Variants in ZNF716 observed in about 807,000 individuals in gnomAD.
ZNF716 encodes zinc finger protein 716.
In ZNF716, 9 loss-of-function variants were observed where a neutral mutation model predicts 13.4. The ratio of observed to expected loss-of-function variants is 0.67; its 90% CI spans 0.41 to 1.18. The LOEUF (loss-of-function observed/expected upper bound fraction) is 1.18, where lower values mean the gene tolerates loss of function less well. ZNF716 is among the 50% of genes most tolerant of loss of function. The pLI, the probability that ZNF716 is intolerant of heterozygous loss-of-function variation, is 0.01. For missense variants in ZNF716, 581 were observed against 576.6 expected (o/e 1.01, Z -0.08); for synonymous variants, 186 against 195.2 (o/e 0.95, Z 0.39).
chr7:57,454,198 T>A (rs1279791124), intron 1 of ZNF716, among the ~76,000 whole-genome samples: 2 of 152,148 alleles, frequency 1.3e-5, no homozygotes, highest in East Asian at 3.8e-4. Flanking sequence ...CTTCTAGAAG[T>A]TTGTTCATAT....
rs1361704602 is a variant in ZNF716, at chr7:57,470,831, C to A, written c.*882C>A. 9 of 151,706 alleles carry A rather than the reference C, an allele frequency of 5.9e-5. No individual in the cohort carries two copies. Among genetic ancestry groups the A allele is most frequent in the African/African-American group, 2.2e-4 (9 of 41,322 alleles). The allele number at this position is 151,706 out of a possible 1,614,324, so 9.4% of individuals were successfully genotyped here. ...CATAAAAAATGTGACAGCATTTAAC[C>A]ACACCTGACATTTTTCTAAAATAGA... On this transcript the variant is annotated 3_prime_UTR_variant, in exon 4 of 4. Coordinates refer to ENST00000420713, the MANE Select transcript of ZNF716 (RefSeq NM_001159279.1).
intron 2 of ZNF716, among the ~76,000 whole-genome samples, 165 bp downstream of exon 2, chr7:57,462,751 G>A (rs1424883448): frequency 2.0e-5 from 3 of 152,098 alleles, no homozygotes; most frequent in Non-Finnish European, 4.4e-5. Flanking sequence ...GTTTTATCTT[G>A]ACCTGAACTT....
intron 3 of ZNF716, 60 bp downstream of exon 3, chr7:57,463,228 G>T (rs1472377907): frequency 2.5e-6 from 4 of 1,590,170 alleles, no homozygotes; most frequent in Non-Finnish European, 1.7e-6. Flanking sequence ...CAAGGAGGAA[G>T]CCAGTCCTTA....
chr7:57,451,338 A>C, intron 1 of ZNF716, among the ~76,000 whole-genome samples: 1 of 143,042 alleles, frequency 7.0e-6, no homozygotes, highest in Non-Finnish European at 1.5e-5. Context: ...TTTGAGATAG[A>C]TTTTTTTTTT....
At chr7:57,450,854 T>C (rs886196802) in intron 1 of ZNF716, among the ~76,000 whole-genome samples, 12 of 148,676 alleles carry the variant, frequency 8.1e-5, no homozygotes, top group African/African-American at 3.1e-4. Context: ...TTGTTATAAG[T>C]TTCATGATGA....
At position 57,473,421 on chromosome 7, in the gene ZNF716, G is replaced by A. The variant is rs1789983802; in HGVS notation, c.*3472G>A. The A allele has an allele frequency of 6.6e-6, 1 of 152,122 alleles. No individual in the cohort carries two copies. The highest frequency in any genetic ancestry group is 2.4e-5 in the African/African-American group (1 of 41,408). 9.4% of individuals were successfully genotyped at this position (152,122 alleles called of 1,614,324 possible). A position where few individuals can be genotyped will look rare whatever the true frequency, so the allele number is the denominator to read the frequency against. ...CATGGTCCCAGTTACTCAGGAGGCT[G>A]AGGCAGGAGAATTGCTTGAACCTCG... On this transcript the variant is annotated 3_prime_UTR_variant, in exon 4 of 4. Coordinates refer to ENST00000420713, the MANE Select transcript of ZNF716 (RefSeq NM_001159279.1).
chr7:57,450,678 G>A (rs1371775482), intron 1 of ZNF716, among the ~76,000 whole-genome samples: 4 of 152,112 alleles, frequency 2.6e-5, no homozygotes, highest in Non-Finnish European at 5.9e-5. Context: ...TGAGTGGAAA[G>A]AGCTGTGTTC....
rs782766103 is a variant in ZNF716 at position 57,469,819 on chromosome 7, C to T, written c.1358C>T (p.Thr453Ile). Residue 453 changes from threonine to isoleucine, a missense_variant, in exon 4 of 4, where the codon ACT (threonine) becomes ATT (isoleucine). By Grantham distance (89) the Thr-to-Ile change is moderately conservative. Transcript: ENST00000420713. ...TTTACCTTCTCCTCAACTCTAAATA[C>T]TCATAAGAGGATTCATACTGGAGAG... Reference protein sequence around the residue: ...KAFTFSSTLNTHKRIHTGEKP... With the variant: ...KAFTFSSTLNIHKRIHTGEKP... 6 of 1,603,070 alleles carry T rather than the reference C, an allele frequency of 3.7e-6. No individual in the cohort carries two copies. The East Asian group carries it at 6.8e-5, about 18-fold the overall frequency.
At chr7:57,461,479 A>G (rs1470066204) in intron 1 of ZNF716, among the ~76,000 whole-genome samples, 17 of 152,334 alleles carry the variant, frequency 1.1e-4, no homozygotes, top group African/African-American at 3.4e-4. Context: ...AAGTACACTT[A>G]GGACATTTAC....
At chr7:57,451,907 C>T (rs1789504767) in intron 1 of ZNF716, among the ~76,000 whole-genome samples, 1 of 151,934 alleles carries the variant, frequency 6.6e-6, no homozygotes, top group African/African-American at 2.4e-5. Flanking sequence ...GCTGGGATTA[C>T]AGGCCTACAC....
intron 3 of ZNF716, among the ~76,000 whole-genome samples, chr7:57,464,122 C>CT (rs71065117): frequency 0.11 from 14,111 of 125,732 alleles, 1,165 homozygotes; most frequent in African/African-American, 0.2. Context: ...TTTCTTTTTT[C>CT]TTTTTTTTTT....
At chr7:57,459,932 G>T (rs1297910319) in intron 1 of ZNF716, among the ~76,000 whole-genome samples, 1 of 152,168 alleles carries the variant, frequency 6.6e-6, no homozygotes, top group Non-Finnish European at 1.5e-5. Context: ...CTGCCCGTGG[G>T]TGTGTGTGGT....
chr7:57,468,913 C>A lies in ZNF716; in HGVS notation c.452C>A (p.Ala151Asp). 6.2e-7 allele frequency: 1 copy of A among 1,612,088 alleles called. No homozygotes were observed. Among genetic ancestry groups the A allele is most frequent in the Non-Finnish European group, 8.5e-7 (1 of 1,178,706 alleles). Residue 151 changes from alanine to aspartate, a missense_variant, in exon 4 of 4, where the codon GCT (alanine) becomes GAT (aspartate). By Grantham distance (126) the Ala-to-Asp change is moderately radical. Coordinates refer to ENST00000420713, the MANE Select transcript of ZNF716 (RefSeq NM_001159279.1). ...GYNYVNQCLS[A>D]TQNKTFQTHK... is the part of the protein sequence containing the mutation. ...AATTATGTTAACCAATGTTTGTCAG[C>A]TACCCAAAACAAAACATTTCAGACT... is the stretch of plus-strand genomic sequence containing the variant.
intron 3 of ZNF716, among the ~76,000 whole-genome samples, chr7:57,467,783 A>T (rs1337287164): frequency 1.3e-5 from 2 of 151,618 alleles, no homozygotes; most frequent in Non-Finnish European, 2.9e-5. Flanking sequence ...TATTTTTATT[A>T]TTCCAAGCTT....
Position 57,450,195 on chromosome 7 carries a change from CCA to C in ZNF716, c.-93_-92del. 1.3e-6 allele frequency: 2 copies of C among 1,581,760 alleles called. No homozygotes were observed. Among genetic ancestry groups the C allele is most frequent in the South Asian group, 2.2e-5 (2 of 89,156 alleles). ...ACGGGTTCTTTTTGCTTCTCTGCGCCCAGAGCTCCAGTCCTTCTCTTCACTGC... is the reference window on the plus strand; with the variant it reads ...ACGGGTTCTTTTTGCTTCTCTGCGCCGAGCTCCAGTCCTTCTCTTCACTGC... On this transcript the variant is annotated 5_prime_UTR_variant, in exon 1 of 4. Coordinates refer to ENST00000420713, the MANE Select transcript of ZNF716 (RefSeq NM_001159279.1).
chr7:57,463,572 T>C (rs1438640194), intron 3 of ZNF716, among the ~76,000 whole-genome samples: 1 of 152,186 alleles, frequency 6.6e-6, no homozygotes, highest in East Asian at 1.9e-4. Flanking sequence ...TTCTGTTTCA[T>C]TGGAGGTTGT....
chr7:57,457,437 C>T (rs1216084712), intron 1 of ZNF716, among the ~76,000 whole-genome samples: 2 of 152,104 alleles, frequency 1.3e-5, no homozygotes, highest in East Asian at 3.9e-4. Flanking sequence ...TTCTGCCTCC[C>T]AGGTTCAAGC....
rs530412092 is a variant in ZNF716, at chr7:57,462,703, C to A, written c.166+117C>A. The A allele has an allele frequency of 8.9e-5, 111 of 1,251,518 alleles. No individual in the cohort carries two copies. In the African/African-American group the frequency reaches 1.5e-3, roughly 17 times the overall value. The allele number at this position is 1,251,518 out of a possible 1,614,324, so 77.5% of individuals were successfully genotyped here. ...TTTAGCTCTCCAGTTTTAAGAAAATCTTGGGGATTCATTGGTATATAGCAA... is the reference window on the plus strand; with the variant it reads ...TTTAGCTCTCCAGTTTTAAGAAAATATTGGGGATTCATTGGTATATAGCAA... On this transcript the variant is annotated intron_variant, in intron 2 of 3. Coordinates refer to ENST00000420713, the MANE Select transcript of ZNF716 (RefSeq NM_001159279.1).
Position 57,468,952 on chromosome 7 carries a change from A to G in ZNF716, c.491A>G (p.Lys164Arg), listed in dbSNP as rs782399751. The G allele has an allele frequency of 6.8e-6, 11 of 1,610,126 alleles. No individual in the cohort carries two copies. Among genetic ancestry groups the G allele is most frequent in the East Asian group, 6.7e-5 (3 of 44,704 alleles). The change falls in exon 4 of 4, where the codon AAA (lysine) becomes AGA (arginine). Residue 164 changes from lysine (K) to arginine (R), a missense_variant. Coordinates refer to ENST00000420713, the MANE Select transcript of ZNF716 (RefSeq NM_001159279.1). Reference protein sequence around the residue: ...NKTFQTHKCVKVFGKFSNSNR... With the variant: ...NKTFQTHKCVRVFGKFSNSNR... ...ACATTTCAGACTCATAAATGCGTCA[A>G]AGTCTTTGGTAAATTTTCAAATTCC...
Sources: allele counts gnomAD v4.1 joint callset (sites outside exome capture counted in the v4.1 genomes callset), GRCh38; gene constraint gnomAD v4.1.1; transcripts MANE v1.5; gene names NCBI Gene and HGNC (gene_info 2026-07-23, HGNC 2026-07-21).